Variants in RGS21 observed in about 807,000 individuals in gnomAD.
RGS21 encodes regulator of G protein signaling 21.
Under a neutral mutation model 18.7 loss-of-function variants are expected in RGS21, and 19 were observed. That is an observed-to-expected ratio of 1.01 (90% CI 0.71 to 1.49). The LOEUF (loss-of-function observed/expected upper bound fraction) is 1.49. RGS21 is among the 40% of genes most tolerant of loss of function. The probability of loss-of-function intolerance (pLI) is 0.00; values close to 1 mark genes in which losing one functional copy is unlikely to be tolerated. For synonymous variants in RGS21, 56 were observed against 57.8 expected (o/e 0.97, Z 0.14); for missense variants, 194 against 176.8 (o/e 1.10, Z -0.55).
chr1:192,343,846 A>G (rs1384559355), intron 2 of RGS21, among the ~76,000 whole-genome samples: 3 of 152,096 alleles, frequency 2.0e-5, no homozygotes, highest in Admixed American at 6.6e-5. Flanking sequence ...AAAATTCAAT[A>G]AAAGGAAGAA....
At chr1:192,326,397 G>A (rs1318127259) in intron 1 of RGS21, among the ~76,000 whole-genome samples, 1 of 151,958 alleles carries the variant, frequency 6.6e-6, no homozygotes, top group Non-Finnish European at 1.5e-5. Flanking sequence ...CTAATTTTAT[G>A]ACTTAAGTAA....
chr1:192,345,234 G>C (rs747541982), intron 2 of RGS21, among the ~76,000 whole-genome samples: 1 of 152,058 alleles, frequency 6.6e-6, no homozygotes, highest in Non-Finnish European at 1.5e-5. Context: ...TTCTAGAATG[G>C]ATGTCAGCTA....
chr1:192,360,217 TTCTC>T (rs764328197), intron 4 of RGS21, among the ~76,000 whole-genome samples: 1 of 152,096 alleles, frequency 6.6e-6, no homozygotes, highest in Non-Finnish European at 1.5e-5. Context: ...CCAACCCAAG[TTCTC>T]TCTATCTCTG....
At chr1:192,320,010 T>G (rs1658473772) in intron 1 of RGS21, among the ~76,000 whole-genome samples, 1 of 151,984 alleles carries the variant, frequency 6.6e-6, no homozygotes, top group African/African-American at 2.4e-5. Flanking sequence ...ATCCACACAG[T>G]GAAGTATTTT....
chr1:192,318,570 T>A (rs1658450911), intron 1 of RGS21, among the ~76,000 whole-genome samples: 1 of 152,138 alleles, frequency 6.6e-6, no homozygotes, highest in Non-Finnish European at 1.5e-5. Context: ...ATGTCGTATC[T>A]AAAGGAGAAA....
At chr1:192,319,203 T>C (rs1224230509) in intron 1 of RGS21, among the ~76,000 whole-genome samples, 1 of 152,140 alleles carries the variant, frequency 6.6e-6, no homozygotes, top group African/African-American at 2.4e-5. Context: ...TGAGCTATGA[T>C]TGCACCACTG....
intron 4 of RGS21, among the ~76,000 whole-genome samples, chr1:192,356,852 C>T (rs1411689133): frequency 1.3e-5 from 2 of 151,716 alleles, no homozygotes; most frequent in African/African-American, 2.4e-5. Context: ...CAGTGCTCCC[C>T]CAACTACAGA....
chr1:192,342,265 C>T (rs1248657903), intron 1 of RGS21, among the ~76,000 whole-genome samples: 1 of 151,992 alleles, frequency 6.6e-6, no homozygotes, highest in Non-Finnish European at 1.5e-5. Context: ...AAAAGCTTGA[C>T]AAAGCATGAA....
intron 1 of RGS21, among the ~76,000 whole-genome samples, chr1:192,331,483 G>A (rs941768523): frequency 1.3e-5 from 2 of 151,976 alleles, no homozygotes; most frequent in East Asian, 3.9e-4. Flanking sequence ...GGAGGCGGAG[G>A]TTGCAGTGAG....
chr1:192,331,354 C>T (rs1658645619), intron 1 of RGS21, among the ~76,000 whole-genome samples: 1 of 151,992 alleles, frequency 6.6e-6, no homozygotes, highest in Non-Finnish European at 1.5e-5. Flanking sequence ...GAGATCGAGA[C>T]CAACCTGGCC....
rs145352472 is a variant in RGS21, at chr1:192,337,942, T to G, written c.-60-5035T>G. 5.1e-3 allele frequency among the ~76,000 whole-genome samples: 782 copies of G among 152,294 alleles called. 7 individuals are homozygous for G. Among genetic ancestry groups the G allele is most frequent in the African/African-American group, 0.018 (757 of 41,586 alleles). On this transcript the variant is annotated intron_variant, in intron 1 of 4. Coordinates refer to ENST00000417209, the MANE Select transcript of RGS21 (RefSeq NM_001039152.3). ...CAGAAATCTTGAACTTCTAAATATT[T>G]TATTTTACTAAGGCAGATATTTCTT...
chr1:192,349,901 A>G (rs148992080), intron 3 of RGS21, among the ~76,000 whole-genome samples: 4 of 152,282 alleles, frequency 2.6e-5, no homozygotes, highest in African/African-American at 9.6e-5. Flanking sequence ...TTGATGATAC[A>G]CTATAAAATA....
At chr1:192,323,650 C>T (rs186882175) in intron 1 of RGS21, among the ~76,000 whole-genome samples, 9 of 152,072 alleles carry the variant, frequency 5.9e-5, no homozygotes, top group Middle Eastern at 3.4e-3. Flanking sequence ...CATATAGATG[C>T]TTAGACGCTT....
chr1:192,326,560 G>T (rs531133528), intron 1 of RGS21, among the ~76,000 whole-genome samples: 41 of 152,178 alleles, frequency 2.7e-4, no homozygotes, highest in African/African-American at 9.9e-4. Context: ...CAACATGAAA[G>T]CCAAGCAAGT....
chr1:192,358,486 A>G (rs1298851566), intron 4 of RGS21, among the ~76,000 whole-genome samples: 3 of 152,016 alleles, frequency 2.0e-5, no homozygotes, highest in African/African-American at 7.2e-5. Context: ...GAATTAGGTA[A>G]CCAAAAATAT....
At chr1:192,323,020 CT>C (rs1658517874) in intron 1 of RGS21, among the ~76,000 whole-genome samples, 1 of 152,024 alleles carries the variant, frequency 6.6e-6, no homozygotes, top group Admixed American at 6.6e-5. Flanking sequence ...TTTATATCAT[CT>C]TTGCAACTTG....
At chr1:192,323,119 G>C (rs1377300603) in intron 1 of RGS21, among the ~76,000 whole-genome samples, 6 of 152,124 alleles carry the variant, frequency 3.9e-5, no homozygotes, top group Admixed American at 3.3e-4. Context: ...TGACACAAAG[G>C]ATGAGGAAGA....
At chr1:192,340,315 A>G (rs1026630845) in intron 1 of RGS21, among the ~76,000 whole-genome samples, 4 of 152,162 alleles carry the variant, frequency 2.6e-5, no homozygotes, top group African/African-American at 9.6e-5. Flanking sequence ...AACCTATGTA[A>G]GATGTGTTGG....
rs1003318055 is a variant in RGS21, at chr1:192,367,090, C to T, written c.*966C>T. Reference sequence around the variant, plus strand: ...AATATGAGAAGCTGTAAAGATTCAACAGATCTCCCACGTTTCCATTTTCTT... The same window carrying T: ...AATATGAGAAGCTGTAAAGATTCAATAGATCTCCCACGTTTCCATTTTCTT... On this transcript the variant is annotated 3_prime_UTR_variant, in exon 5 of 5. Coordinates refer to ENST00000417209, the MANE Select transcript of RGS21 (RefSeq NM_001039152.3). The T allele has an allele frequency of 6.6e-6, 1 of 151,988 alleles. No individual in the cohort carries two copies. Among genetic ancestry groups the T allele is most frequent in the East Asian group, 1.9e-4 (1 of 5,184 alleles). 9.4% of individuals were successfully genotyped at this position (151,988 alleles called of 1,614,324 possible).
Sources: allele counts gnomAD v4.1 joint callset (sites outside exome capture counted in the v4.1 genomes callset), GRCh38; gene constraint gnomAD v4.1.1; transcripts MANE v1.5; gene names NCBI Gene and HGNC (gene_info 2026-07-23, HGNC 2026-07-21).